The following STK32B variants were observed in gnomAD, a reference collection of about 807,000 sequenced individuals.
The protein encoded by STK32B is serine/threonine-protein kinase 32B.
STK32B carries 43 observed loss-of-function variants against 52.6 expected under a neutral mutation model. The ratio of observed to expected loss-of-function variants is 0.82; its 90% CI spans 0.64 to 1.05. The LOEUF (loss-of-function observed/expected upper bound fraction) is 1.05, where lower values mean the gene tolerates loss of function less well. Among genes scored for constraint, STK32B ranks in the 50% least tolerant of loss-of-function variants. The pLI is 0.00. For missense variants in STK32B, 621 were observed against 534.6 expected (o/e 1.16, Z -1.59); for synonymous variants, 238 against 204.3 (o/e 1.17, Z -1.41).
At chr4:5,366,699 CA>C (rs1287119247) in intron 4 of STK32B, among the ~76,000 whole-genome samples, 1 of 152,216 alleles carries the variant, frequency 6.6e-6, no homozygotes, top group Non-Finnish European at 1.5e-5. Context: ...GGGCATTTCA[CA>C]AAAGCAGACA....
intron 6 of STK32B, among the ~76,000 whole-genome samples, chr4:5,442,990 G>C (rs2109113442): frequency 6.6e-6 from 1 of 151,656 alleles, no homozygotes; most frequent in Non-Finnish European, 1.5e-5. Flanking sequence ...AGTCTGATGG[G>C]CTTCCCTTTG....
intron 11 of STK32B, among the ~76,000 whole-genome samples, chr4:5,490,016 T>C (rs1719579619): frequency 6.6e-6 from 1 of 152,140 alleles, no homozygotes; most frequent in Non-Finnish European, 1.5e-5. Context: ...TAATACAAAC[T>C]CACTGGTTTA....
chr4:5,024,072 T>C, the STK32B span, among the ~76,000 whole-genome samples: 2 of 152,226 alleles, frequency 1.3e-5, no homozygotes, highest in African/African-American at 2.4e-5. Flanking sequence ...ATCCAGGAAC[T>C]CAATGAAGTC....
intron 5 of STK32B, among the ~76,000 whole-genome samples, chr4:5,413,311 G>A (rs1225306188): frequency 2.0e-5 from 3 of 152,326 alleles, no homozygotes; most frequent in East Asian, 3.9e-4. Flanking sequence ...AACTTAAACA[G>A]TCCTAGATAG....
intron 11 of STK32B, among the ~76,000 whole-genome samples, chr4:5,489,241 TTACC>T (rs1719481937): frequency 6.6e-6 from 1 of 152,176 alleles, no homozygotes; most frequent in Admixed American, 6.5e-5. Context: ...CTTACCTAAA[TTACC>T]TATGAGAATT....
chr4:5,111,870 G>A (rs1375666450), intron 1 of STK32B, among the ~76,000 whole-genome samples: 2 of 152,286 alleles, frequency 1.3e-5, no homozygotes, highest in Non-Finnish European at 2.9e-5. Flanking sequence ...TGTTTAAGAT[G>A]TGGTCCCAGG....
intron 4 of STK32B, among the ~76,000 whole-genome samples, chr4:5,364,031 G>T (rs751797811): frequency 9.3e-5 from 14 of 150,506 alleles, no homozygotes; most frequent in Non-Finnish European, 1.3e-4. Context: ...CCCTGCTGGA[G>T]GCATCCTTTT....
intron 3 of STK32B, among the ~76,000 whole-genome samples, chr4:5,298,208 A>G (rs1028390094): frequency 2.6e-5 from 4 of 152,012 alleles, no homozygotes; most frequent in African/African-American, 9.7e-5. Context: ...TCTCCTGTAT[A>G]AGGTGTCTGT....
At chr4:5,128,540 G>A (rs1243334985) in intron 1 of STK32B, among the ~76,000 whole-genome samples, 1 of 151,732 alleles carries the variant, frequency 6.6e-6, no homozygotes, top group Non-Finnish European at 1.5e-5. Flanking sequence ...GTGGAGCGAG[G>A]GGTAAAAAGA....
At position 5,495,988 on chromosome 4, in the gene STK32B, TG is replaced by T. The variant is rs539094131; in HGVS notation, c.1107-2951del. ...GTGTGATGTGTCAGTCTGCCCCTAC[TG>T]GGGGGTGCCTCCCGGTTAGGCTGCT... On this transcript the variant is annotated intron_variant, in intron 11 of 11. Coordinates refer to ENST00000282908, the MANE Select transcript of STK32B (RefSeq NM_018401.3). Among the ~76,000 whole-genome samples the T allele has an allele frequency of 3.9e-5, 6 of 152,280 alleles. No homozygotes were observed. The East Asian group carries it at 9.6e-4, about 24-fold the overall frequency.
intron 11 of STK32B, among the ~76,000 whole-genome samples, chr4:5,495,498 C>T (rs572340036): frequency 3.6e-4 from 55 of 152,158 alleles, no homozygotes; most frequent in African/African-American, 1.3e-3. Context: ...TCAAAGTTTT[C>T]AACTTCTTTG....
rs1553836327 is a variant in STK32B at position 5,146,064 on chromosome 4, T to TTC, written c.108+6104_108+6105insTC. Among the ~76,000 whole-genome samples, 994 of 148,792 alleles carry TTC rather than the reference T, an allele frequency of 6.7e-3. 6 individuals carry two copies. The highest frequency in any genetic ancestry group is 0.01 in the Non-Finnish European group (692 of 67,384). ...TAGGGTCAAGTTGTTTTTTTTTTTT[T>TTC]CCCTAGTATGGACATCAGTTTCTTG... On this transcript the variant is annotated intron_variant, in intron 2 of 11. Coordinates refer to ENST00000282908, the MANE Select transcript of STK32B (RefSeq NM_018401.3).
At chr4:5,265,136 T>G (rs557619794) in intron 3 of STK32B, among the ~76,000 whole-genome samples, 12 of 152,336 alleles carry the variant, frequency 7.9e-5, no homozygotes, top group Non-Finnish European at 1.6e-4. Flanking sequence ...CCCATATAGA[T>G]AATCAGTTGT....
At chr4:5,196,977 C>T (rs2108771231) in intron 3 of STK32B, among the ~76,000 whole-genome samples, 1 of 152,196 alleles carries the variant, frequency 6.6e-6, no homozygotes, top group Middle Eastern at 3.4e-3. Flanking sequence ...TCTCTAGAAG[C>T]ATCAGGTATC....
intron 1 of STK32B, among the ~76,000 whole-genome samples, chr4:5,070,430 C>T (rs561711755): frequency 3.9e-5 from 6 of 152,190 alleles, no homozygotes; most frequent in South Asian, 2.1e-4. Context: ...AGTGAGCCCC[C>T]GTCCTTTAGA....
chr4:5,419,206 G>A (rs577431116), intron 6 of STK32B, among the ~76,000 whole-genome samples: 36 of 152,274 alleles, frequency 2.4e-4, no homozygotes, highest in Admixed American at 6.5e-4. Flanking sequence ...TCAGGATAGC[G>A]TTCCTAACTT....
intron 4 of STK32B, among the ~76,000 whole-genome samples, chr4:5,338,614 C>T (rs1732865752): frequency 6.6e-6 from 1 of 152,146 alleles, no homozygotes; most frequent in Non-Finnish European, 1.5e-5. Context: ...GCCGATGTTC[C>T]AGAGCTGAGC....
chr4:5,188,820 A>G (rs1174364609), intron 3 of STK32B, among the ~76,000 whole-genome samples: 1 of 135,244 alleles, frequency 7.4e-6, no homozygotes, highest in Non-Finnish European at 1.6e-5. Context: ...AACTGGTGTA[A>G]CATGGACACA....
the STK32B span, among the ~76,000 whole-genome samples, chr4:5,041,894 G>C: frequency 6.6e-6 from 1 of 151,634 alleles, no homozygotes; most frequent in Non-Finnish European, 1.5e-5. Flanking sequence ...AAGCAAACCA[G>C]ACTCAAGTTT....
Sources: allele counts gnomAD v4.1 joint callset (sites outside exome capture counted in the v4.1 genomes callset), GRCh38; gene constraint gnomAD v4.1.1; transcripts MANE v1.5; gene names NCBI Gene and HGNC (gene_info 2026-07-23, HGNC 2026-07-21).